The following CSTPP1 variants were observed in gnomAD, a reference collection of about 807,000 sequenced individuals.
The protein encoded by CSTPP1 is centriolar satellite-associated tubulin polyglutamylase complex regulator 1.
the CSTPP1 span, among the ~76,000 whole-genome samples, chr11:47,054,039 G>A: frequency 6.6e-6 from 1 of 151,422 alleles, no homozygotes. Flanking sequence ...GCCGGGCACG[G>A]TGACTCATGC....
At chr11:46,962,376 A>G in the CSTPP1 span, among the ~76,000 whole-genome samples, 1 of 152,186 alleles carries the variant, frequency 6.6e-6, no homozygotes, top group Non-Finnish European at 1.5e-5. Context: ...TGAATCCTAC[A>G]AATTTGTTCT....
At chr11:47,019,012 A>T in the CSTPP1 span, among the ~76,000 whole-genome samples, 33 of 145,994 alleles carry the variant, frequency 2.3e-4, no homozygotes, top group African/African-American at 6.0e-4. Flanking sequence ...GCAAAAGTTT[A>T]TTTTTTTTTT....
the CSTPP1 span, among the ~76,000 whole-genome samples, chr11:47,022,105 A>T: frequency 6.6e-6 from 1 of 151,048 alleles, no homozygotes; most frequent in Non-Finnish European, 1.5e-5. Context: ...ATATCCCATG[A>T]AGGGATTTCA....
the CSTPP1 span, among the ~76,000 whole-genome samples, chr11:46,940,795 T>C: frequency 2.0e-5 from 3 of 152,188 alleles, no homozygotes; most frequent in Non-Finnish European, 2.9e-5. Flanking sequence ...GCCTAGACTT[T>C]TTTCCAAAGA....
the CSTPP1 span, among the ~76,000 whole-genome samples, chr11:47,043,368 C>A: frequency 6.6e-6 from 1 of 151,884 alleles, no homozygotes. Flanking sequence ...CATAGTGAGA[C>A]CCCGTCTATT....
chr11:47,104,327 G>A, the CSTPP1 span, among the ~76,000 whole-genome samples: 1 of 152,148 alleles, frequency 6.6e-6, no homozygotes, highest in Admixed American at 6.5e-5. Context: ...CTAACACATT[G>A]TCCTTTTCTT....
the CSTPP1 span, among the ~76,000 whole-genome samples, chr11:47,085,616 G>T: frequency 2.6e-5 from 4 of 152,120 alleles, no homozygotes; most frequent in African/African-American, 9.7e-5. Context: ...TAGGCTGGGC[G>T]CAGTGGCTCA....
At chr11:46,950,258 C>T in the CSTPP1 span, among the ~76,000 whole-genome samples, 1 of 150,584 alleles carries the variant, frequency 6.6e-6, no homozygotes, top group Admixed American at 6.6e-5. Flanking sequence ...ACTGCAAGCT[C>T]CGCCTCCCAG....
the CSTPP1 span, among the ~76,000 whole-genome samples, chr11:47,057,879 G>C: frequency 2.0e-5 from 3 of 152,244 alleles, no homozygotes; most frequent in African/African-American, 7.2e-5. Context: ...AACACACCGG[G>C]CACTGGGTAG....
chr11:47,160,259 C>G, the CSTPP1 span: 1 of 143,614 alleles, frequency 7.0e-6, no homozygotes, highest in Admixed American at 7.2e-5. Flanking sequence ...GAGCCATGAT[C>G]ACTGCACTCC....
the CSTPP1 span, among the ~76,000 whole-genome samples, chr11:46,959,023 G>A: frequency 6.6e-6 from 1 of 152,282 alleles, no homozygotes; most frequent in East Asian, 1.9e-4. Flanking sequence ...TGTTTTACCA[G>A]CTATCTGGGC....
chr11:46,998,798 C>CCAG, the CSTPP1 span, among the ~76,000 whole-genome samples: 2 of 151,946 alleles, frequency 1.3e-5, no homozygotes, highest in Admixed American at 6.6e-5. Context: ...TGCAGTGGCG[C>CCAG]GATCTCGGCT....
At chr11:46,941,659 T>C in the CSTPP1 span, among the ~76,000 whole-genome samples, 1 of 152,186 alleles carries the variant, frequency 6.6e-6, no homozygotes, top group African/African-American at 2.4e-5. Context: ...ACCCTCAATC[T>C]AATGACCGTT....
chr11:47,107,399 G>GA, the CSTPP1 span, among the ~76,000 whole-genome samples: 1 of 152,170 alleles, frequency 6.6e-6, no homozygotes, highest in Non-Finnish European at 1.5e-5. Context: ...ACCTTTGTTA[G>GA]AAACAGGATC....
the CSTPP1 span, among the ~76,000 whole-genome samples, chr11:46,975,696 T>C: frequency 6.6e-6 from 1 of 152,210 alleles, no homozygotes; most frequent in African/African-American, 2.4e-5. Context: ...CCAAGAACTT[T>C]GAATCATTGA....
At chr11:47,090,876 A>G in the CSTPP1 span, among the ~76,000 whole-genome samples, 1 of 150,404 alleles carries the variant, frequency 6.6e-6, no homozygotes, top group Admixed American at 6.6e-5. Context: ...CATCTCTACT[A>G]AAAATACAAA....
the CSTPP1 span, among the ~76,000 whole-genome samples, chr11:46,980,779 C>G: frequency 3.3e-5 from 5 of 151,938 alleles, no homozygotes; most frequent in Non-Finnish European, 1.5e-5. Context: ...AAAAGACAAC[C>G]AGAGAAGAAA....
At chr11:47,158,685 G>A in the CSTPP1 span, among the ~76,000 whole-genome samples, 6 of 152,152 alleles carry the variant, frequency 3.9e-5, no homozygotes, top group Non-Finnish European at 7.4e-5. Context: ...ACAGGCATGC[G>A]CCACCATCCT....
chr11:47,084,934 C>T, the CSTPP1 span, among the ~76,000 whole-genome samples: 1 of 151,998 alleles, frequency 6.6e-6, no homozygotes, highest in Non-Finnish European at 1.5e-5. Context: ...CCTGTAATCC[C>T]AGCACTTTGG....
Sources: gnomAD v4.1 joint callset for allele counts (sites outside exome capture counted in the v4.1 genomes callset) on GRCh38, gnomAD v4.1.1 for gene constraint, MANE v1.5 for transcripts, NCBI Gene and HGNC (gene_info 2026-07-23, HGNC 2026-07-21) for gene names.